DLGAP1: variants seen among roughly 807,000 people sequenced by gnomAD.
DLGAP1 encodes the protein disks large-associated protein 1.
A neutral mutation model predicts 90.8 loss-of-function variants in DLGAP1; 11 were observed. The observed-to-expected ratio is 0.12, with a 90% CI of 0.08 to 0.20. The LOEUF (loss-of-function observed/expected upper bound fraction) is 0.20. Among genes scored for constraint, DLGAP1 ranks in the 10% least tolerant of loss-of-function variants. DLGAP1 has a pLI of 1.00. For synonymous variants in DLGAP1, 558 were observed against 540.7 expected (o/e 1.03, Z -0.44); for missense variants, 1,050 against 1,333.8 (o/e 0.79, Z 3.31).
chr18:3,562,325 C>G (rs1293708545), intron 9 of DLGAP1, among the ~76,000 whole-genome samples: 1 of 152,032 alleles, frequency 6.6e-6, no homozygotes. Context: ...CAAGTCCATC[C>G]TGGGCAACTG....
chr18:4,115,868 A>G (rs1166559267), intron 2 of DLGAP1, among the ~76,000 whole-genome samples: 2 of 152,212 alleles, frequency 1.3e-5, no homozygotes, highest in African/African-American at 4.8e-5. Context: ...AAACTCACTA[A>G]TATAATGATA....
intron 1 of DLGAP1, among the ~76,000 whole-genome samples, chr18:4,415,930 A>C (rs984988560): frequency 6.6e-6 from 1 of 152,188 alleles, no homozygotes; most frequent in African/African-American, 2.4e-5. Flanking sequence ...TTAGTTTTTC[A>C]GAACTTGTGA....
At chr18:4,155,096 A>G (rs540452419) in intron 1 of DLGAP1, among the ~76,000 whole-genome samples, 2 of 152,040 alleles carry the variant, frequency 1.3e-5, no homozygotes, top group East Asian at 3.9e-4. Flanking sequence ...GATTTGATCA[A>G]AAACTTGAGA....
At chr18:4,179,824 C>T (rs1019045949) in intron 1 of DLGAP1, among the ~76,000 whole-genome samples, 51 of 152,158 alleles carry the variant, frequency 3.4e-4, no homozygotes, top group African/African-American at 1.0e-3. Flanking sequence ...CAACACTTAT[C>T]GAGCCATTAA....
In DLGAP1 at chr18:4,145,495, T is replaced by G. The variant is rs370088375; in HGVS notation, c.-159+5685A>C. Among the ~76,000 whole-genome samples, 112 of 152,304 alleles carry G rather than the reference T, an allele frequency of 7.4e-4. No individual in the cohort carries two copies. In the South Asian group the frequency reaches 0.011, roughly 15 times the overall value. On this transcript the variant is annotated intron_variant, in intron 2 of 12. Coordinates refer to ENST00000315677, the MANE Select transcript of DLGAP1 (RefSeq NM_004746.4). ...CAGCAAAACTTTATTGATCTACTCCTGTTAAGTAGGCAGCTTTGAATTTCT... is the reference window on the plus strand; with the variant it reads ...CAGCAAAACTTTATTGATCTACTCCGGTTAAGTAGGCAGCTTTGAATTTCT...
chr18:4,134,799 C>T (rs986681144), intron 2 of DLGAP1, among the ~76,000 whole-genome samples: 1 of 151,494 alleles, frequency 6.6e-6, no homozygotes, highest in African/African-American at 2.4e-5. Flanking sequence ...TTTTTTTTCC[C>T]CAGGGGACAT....
intron 4 of DLGAP1, among the ~76,000 whole-genome samples, chr18:3,854,544 G>A (rs1271826850): frequency 6.6e-6 from 1 of 152,118 alleles, no homozygotes; most frequent in Non-Finnish European, 1.5e-5. Flanking sequence ...AGTAATAAAC[G>A]AATAACTGTA....
At chr18:3,937,923 T>G (rs1288713127) in intron 3 of DLGAP1, among the ~76,000 whole-genome samples, 2 of 152,190 alleles carry the variant, frequency 1.3e-5, no homozygotes, top group East Asian at 3.9e-4. Flanking sequence ...CACCCCAGTT[T>G]CCTCAGCTGT....
At chr18:4,382,810 C>T (rs2082156909) in intron 1 of DLGAP1, among the ~76,000 whole-genome samples, 1 of 152,066 alleles carries the variant, frequency 6.6e-6, no homozygotes, top group African/African-American at 2.4e-5. Flanking sequence ...CTACTTTAGG[C>T]ATAATAAAGA....
chr18:4,022,000 A>G (rs1173087984), intron 2 of DLGAP1, among the ~76,000 whole-genome samples: 1 of 152,062 alleles, frequency 6.6e-6, no homozygotes, highest in Admixed American at 6.6e-5. Context: ...GTATTATCAC[A>G]TTTTCTGTCC....
chr18:3,532,238 T>A (rs778338148), intron 10 of DLGAP1, among the ~76,000 whole-genome samples: 3 of 152,008 alleles, frequency 2.0e-5, no homozygotes, highest in Non-Finnish European at 2.9e-5. Flanking sequence ...AGGTGACGAG[T>A]ACATGGGGAC....
At chr18:4,002,384 T>TCCCTCTCCCC (rs1424656145) in intron 3 of DLGAP1, among the ~76,000 whole-genome samples, 19 of 152,280 alleles carry the variant, frequency 1.2e-4, no homozygotes, top group African/African-American at 4.3e-4. Context: ...GATTTTCTTC[T>TCCCTCTCCCC]GCCTCTCCCC....
chr18:4,397,918 G>C (rs9966222), intron 1 of DLGAP1, among the ~76,000 whole-genome samples: 131,494 of 152,136 alleles, frequency 0.86, 57,052 homozygotes, highest in East Asian at 1. Context: ...TTTTATAGAT[G>C]ATTCATCAAT....
chr18:3,531,247 G>A (rs1354629027), intron 10 of DLGAP1, among the ~76,000 whole-genome samples: 12 of 152,116 alleles, frequency 7.9e-5, no homozygotes, highest in African/African-American at 2.9e-4. Context: ...GACCAGACTG[G>A]CCAACATGGT....
chr18:3,832,300 T>C (rs1465858085), intron 4 of DLGAP1, among the ~76,000 whole-genome samples: 4 of 152,234 alleles, frequency 2.6e-5, no homozygotes, highest in Non-Finnish European at 5.9e-5. Flanking sequence ...ACAGTAATAA[T>C]GCAGATATAT....
At chr18:4,426,290 G>A (rs1363039213) in intron 1 of DLGAP1, among the ~76,000 whole-genome samples, 1 of 152,162 alleles carries the variant, frequency 6.6e-6, no homozygotes, top group Non-Finnish European at 1.5e-5. Flanking sequence ...GATAGAAGAA[G>A]ATATCTTCCC....
chr18:4,258,347 G>C (rs1053956019), intron 1 of DLGAP1, among the ~76,000 whole-genome samples: 1 of 151,824 alleles, frequency 6.6e-6, no homozygotes, highest in East Asian at 1.9e-4. Flanking sequence ...CCCAGCCCAG[G>C]ATGCCTGTTT....
chr18:3,934,290 C>T (rs1379377736), intron 3 of DLGAP1, among the ~76,000 whole-genome samples: 1 of 152,164 alleles, frequency 6.6e-6, no homozygotes, highest in Non-Finnish European at 1.5e-5. Context: ...AAGGCCTGTA[C>T]ATGTTAGACA....
At chr18:3,818,950 G>A (rs558813486) in intron 4 of DLGAP1, among the ~76,000 whole-genome samples, 2 of 152,106 alleles carry the variant, frequency 1.3e-5, no homozygotes, top group Admixed American at 1.3e-4. Context: ...GATGGGCTCT[G>A]CTGGAAGTGG....
Sources: allele counts gnomAD v4.1 joint callset (sites outside exome capture counted in the v4.1 genomes callset), GRCh38; gene constraint gnomAD v4.1.1; transcripts MANE v1.5; gene names NCBI Gene and HGNC (gene_info 2026-07-23, HGNC 2026-07-21).